Variants in PTPRT observed in about 807,000 individuals in gnomAD.
PTPRT encodes protein tyrosine phosphatase receptor type T, also known as receptor-type tyrosine-protein phosphatase T.
In PTPRT, 56 loss-of-function variants were observed where a neutral mutation model predicts 176.8. That is an observed-to-expected ratio of 0.32 (90% CI 0.26 to 0.40). PTPRT has a LOEUF of 0.40. Among genes scored for constraint, PTPRT ranks in the 10% least tolerant of loss-of-function variants. The pLI is 1.00. For missense variants in PTPRT, 1,540 were observed against 1,908.2 expected (o/e 0.81, Z 3.60); for synonymous variants, 783 against 739.0 (o/e 1.06, Z -0.96).
At chr20:42,713,160 C>T (rs1274329949) in intron 6 of PTPRT, among the ~76,000 whole-genome samples, 1 of 149,064 alleles carries the variant, frequency 6.7e-6, no homozygotes, top group Non-Finnish European at 1.5e-5. Context: ...CACACATACA[C>T]ACACACACAC....
intron 1 of PTPRT, among the ~76,000 whole-genome samples, chr20:43,102,209 T>G (rs1365599272): frequency 4.6e-5 from 7 of 151,990 alleles, no homozygotes; most frequent in Non-Finnish European, 8.8e-5. Context: ...ATATGTCTCA[T>G]GTACTTACAT....
intron 9 of PTPRT, among the ~76,000 whole-genome samples, chr20:42,423,360 C>G (rs963020238): frequency 2.0e-5 from 3 of 151,970 alleles, no homozygotes; most frequent in Non-Finnish European, 4.4e-5. Context: ...GACACGTCAC[C>G]CAGGGTTAGT....
At chr20:42,311,023 A>G (rs2057619804) in intron 12 of PTPRT, among the ~76,000 whole-genome samples, 1 of 152,204 alleles carries the variant, frequency 6.6e-6, no homozygotes, top group African/African-American at 2.4e-5. Context: ...AAGAGTCTAT[A>G]AAATGTCTTT....
At chr20:42,239,179 T>TAATA (rs940026559) in intron 14 of PTPRT, among the ~76,000 whole-genome samples, 1 of 152,146 alleles carries the variant, frequency 6.6e-6, no homozygotes, top group African/African-American at 2.4e-5. Context: ...TCTTTAGGAA[T>TAATA]AATAAAATAT....
intron 19 of PTPRT, among the ~76,000 whole-genome samples, chr20:42,120,752 G>C (rs1345763555): frequency 1.3e-5 from 2 of 152,128 alleles, no homozygotes; most frequent in African/African-American, 4.8e-5. Context: ...CAGTCATATT[G>C]AGTAGAAGTT....
intron 1 of PTPRT, among the ~76,000 whole-genome samples, chr20:42,928,554 C>T (rs917285383): frequency 5.3e-5 from 8 of 152,014 alleles, no homozygotes; most frequent in Non-Finnish European, 8.8e-5. Flanking sequence ...ATATCAGGGG[C>T]CATGGGGAGA....
At chr20:42,415,883 A>G (rs1433869851) in intron 9 of PTPRT, among the ~76,000 whole-genome samples, 1 of 152,208 alleles carries the variant, frequency 6.6e-6, no homozygotes, top group East Asian at 1.9e-4. Flanking sequence ...AGACCTCTAT[A>G]TATTGATACA....
intron 6 of PTPRT, among the ~76,000 whole-genome samples, chr20:42,741,710 A>G (rs2076613428): frequency 1.3e-5 from 2 of 152,110 alleles, no homozygotes; most frequent in Admixed American, 1.3e-4. Flanking sequence ...GTAGTCAACC[A>G]AGAGTCTTAT....
At chr20:42,089,859 C>G (rs112369733) in intron 27 of PTPRT, among the ~76,000 whole-genome samples, 1 of 152,100 alleles carries the variant, frequency 6.6e-6, no homozygotes, top group Non-Finnish European at 1.5e-5. Context: ...TCCCACTGAC[C>G]CTTTGGGGCT....
In PTPRT at chr20:42,127,706, A is replaced by G. The variant is rs188367038; in HGVS notation, c.2847+1048T>C. Among the ~76,000 whole-genome samples the G allele has an allele frequency of 3.2e-4, 48 of 152,278 alleles. No individual in the cohort carries two copies. The East Asian group carries it at 7.7e-3, about 25-fold the overall frequency. On this transcript the variant is annotated intron_variant, in intron 19 of 30. Coordinates refer to ENST00000373187, the MANE Select transcript of PTPRT (RefSeq NM_007050.6). ...CTGAGATGCATGGCTTGAATCAGTC[A>G]CATTGGGTTGTCCTTCTGACCTCAG...
chr20:42,775,039 T>A (rs899895476), intron 4 of PTPRT, among the ~76,000 whole-genome samples: 1 of 152,164 alleles, frequency 6.6e-6, no homozygotes, highest in Admixed American at 6.5e-5. Flanking sequence ...AAATCACTCA[T>A]CTTCAGCCAA....
At chr20:42,498,626 C>A (rs2071695522) in intron 7 of PTPRT, among the ~76,000 whole-genome samples, 1 of 152,116 alleles carries the variant, frequency 6.6e-6, no homozygotes, top group Non-Finnish European at 1.5e-5. Context: ...ATTTTGACAT[C>A]TTTTAGCTCT....
chr20:42,278,753 G>C (rs2057090241), intron 13 of PTPRT, among the ~76,000 whole-genome samples: 1 of 152,058 alleles, frequency 6.6e-6, no homozygotes, highest in Admixed American at 6.6e-5. Context: ...CTGCAACCTG[G>C]GGCATCTTCT....
chr20:43,142,132 C>T (rs1295351398), intron 1 of PTPRT, among the ~76,000 whole-genome samples: 1 of 152,222 alleles, frequency 6.6e-6, no homozygotes, highest in Non-Finnish European at 1.5e-5. Context: ...AAGGAATCAT[C>T]CTATATGCCC....
At chr20:42,790,666 T>C (rs770597981) in intron 3 of PTPRT, among the ~76,000 whole-genome samples, 9 of 152,118 alleles carry the variant, frequency 5.9e-5, no homozygotes, top group Non-Finnish European at 1.3e-4. Context: ...CTGTACACAC[T>C]GTCTGTGACA....
chr20:42,413,004 T>G (rs1019572866), intron 9 of PTPRT, among the ~76,000 whole-genome samples: 1 of 152,210 alleles, frequency 6.6e-6, no homozygotes, highest in Non-Finnish European at 1.5e-5. Flanking sequence ...ATTCATTTAA[T>G]TTTCCTCCTA....
At chr20:42,096,761 T>TAAA (rs1985288108) in intron 27 of PTPRT, among the ~76,000 whole-genome samples, 1 of 76,444 alleles carries the variant, frequency 1.3e-5, no homozygotes, top group Non-Finnish European at 3.1e-5. Context: ...TTAAAATTTT[T>TAAA]TTTTTTTTTT....
intron 7 of PTPRT, among the ~76,000 whole-genome samples, chr20:42,662,246 T>C (rs966804792): frequency 1.3e-5 from 2 of 152,136 alleles, no homozygotes; most frequent in East Asian, 3.9e-4. Context: ...AAGTAGGTAA[T>C]ATATTGATAA....
chr20:42,760,917 G>A (rs1166106502), intron 5 of PTPRT, among the ~76,000 whole-genome samples: 2 of 151,784 alleles, frequency 1.3e-5, no homozygotes, highest in Non-Finnish European at 2.9e-5. Flanking sequence ...AGTGTGGAAG[G>A]TATAATTTCT....
Sources: gnomAD v4.1 joint callset for allele counts (sites outside exome capture counted in the v4.1 genomes callset) on GRCh38, gnomAD v4.1.1 for gene constraint, MANE v1.5 for transcripts, NCBI Gene and HGNC (gene_info 2026-07-23, HGNC 2026-07-21) for gene names.